DHX9: variants seen among roughly 807,000 people sequenced by gnomAD.
DHX9 encodes ATP-dependent RNA helicase A.
Under a neutral mutation model 148.7 loss-of-function variants are expected in DHX9, and 27 were observed. The ratio of observed to expected loss-of-function variants is 0.18; its 90% CI spans 0.13 to 0.25. The LOEUF (loss-of-function observed/expected upper bound fraction) is 0.25, where lower values mean the gene tolerates loss of function less well. Among genes scored for constraint, DHX9 ranks in the 10% least tolerant of loss-of-function variants. The probability of loss-of-function intolerance (pLI) is 1.00; values close to 1 mark genes in which losing one functional copy is unlikely to be tolerated. For synonymous variants in DHX9, 529 were observed against 516.6 expected (o/e 1.02, Z -0.33); for missense variants, 796 against 1,559.6 (o/e 0.51, Z 8.25).
At chr1:182,850,362 A>C (rs1178439833) in intron 3 of DHX9, among the ~76,000 whole-genome samples, 1 of 152,120 alleles carries the variant, frequency 6.6e-6, no homozygotes, top group African/African-American at 2.4e-5. Context: ...CGGGAGATAG[A>C]GGCAGGAGGA....
In DHX9 at chr1:182,852,301, A is replaced by C. The variant is rs755683865; in HGVS notation, c.321A>C (p.Thr107=). The C allele has an allele frequency of 2.5e-6, 4 of 1,613,174 alleles. No individual in the cohort carries two copies. The highest frequency in any genetic ancestry group is 1.7e-5 in the Admixed American group (1 of 59,748). Residue 107 remains threonine (T), a synonymous_variant, in exon 4 of 28, where the codon ACA becomes ACC. Coordinates refer to ENST00000367549, the MANE Select transcript of DHX9 (RefSeq NM_001357.5). ...CAAATGCTGAAGGAGATTTACCAACAACCATGGGAGGACCTCTTCCTCCAC... is the reference window on the plus strand; with the variant it reads ...CAAATGCTGAAGGAGATTTACCAACCACCATGGGAGGACCTCTTCCTCCAC... The part of the protein sequence containing the change: ...TTANAEGDLP[T]TMGGPLPPHL...
At position 182,842,556 on chromosome 1, in the gene DHX9, A is replaced by G; in HGVS notation, c.-11A>G. 6.2e-7 allele frequency: 1 copy of G among 1,601,162 alleles called. No homozygotes were observed. The highest frequency in any genetic ancestry group is 8.5e-7 in the Non-Finnish European group (1 of 1,170,446). On this transcript the variant is annotated 5_prime_UTR_variant, in exon 2 of 28. Coordinates refer to ENST00000367549, the MANE Select transcript of DHX9 (RefSeq NM_001357.5). Reference sequence around the variant, plus strand: ...TTTTGTTTTCTTAGATCTGAAGAAGACACTTGAATCATGGGTGACGTTAAA... The same window carrying G: ...TTTTGTTTTCTTAGATCTGAAGAAGGCACTTGAATCATGGGTGACGTTAAA...
At position 182,853,322 on chromosome 1, in the gene DHX9, A is replaced by G; in HGVS notation, c.381A>G (p.Val127=). 2 of 1,612,860 alleles carry G rather than the reference A, an allele frequency of 1.2e-6. No homozygotes were observed. The highest frequency in any genetic ancestry group is 2.2e-5 in the South Asian group (2 of 90,944). Residue 127 remains valine, a synonymous_variant, in exon 5 of 28, where the codon GTA becomes GTG. Coordinates refer to ENST00000367549, the MANE Select transcript of DHX9 (RefSeq NM_001357.5). The part of the protein sequence containing the change: ...LALKAENNSE[V]GASGYGVPGP... ...TTTTAACAGAAAATAATTCTGAGGT[A>G]GGGGCCTCTGGCTATGGTGTTCCTG...
intron 26 of DHX9, among the ~76,000 whole-genome samples, chr1:182,884,120 A>G (rs1312035746): frequency 2.6e-5 from 4 of 152,138 alleles, no homozygotes; most frequent in Middle Eastern, 3.2e-3. Context: ...AAAAATCCAA[A>G]AAAATTAGCC....
In DHX9 at chr1:182,876,488, C is replaced by A; in HGVS notation, c.2071C>A (p.Pro691Thr). Residue 691 changes from proline to threonine, a missense_variant, in exon 18 of 28, where the codon CCT becomes ACT. Pro to Thr is a conservative substitution (Grantham distance 38). Around this residue, in one of 14 missense-constraint regions of DHX9, gnomAD observed 133 missense variants for 223.8 expected, o/e 0.59. Coordinates refer to ENST00000367549, the MANE Select transcript of DHX9 (RefSeq NM_001357.5). The part of the protein sequence containing the change: ...YQILPLHSQI[P>T]REEQRKVFDP... The stretch of plus-strand genomic sequence containing the variant: ...GATTCTACCCCTGCATTCTCAGATT[C>A]CTCGAGAGGAACAGCGCAAAGTGTT... The A allele has an allele frequency of 6.2e-7, 1 of 1,613,240 alleles. No homozygotes were observed. The highest frequency in any genetic ancestry group is 1.1e-5 in the South Asian group (1 of 91,040).
intron 12 of DHX9, among the ~76,000 whole-genome samples, chr1:182,861,604 G>A (rs1668365244): frequency 6.6e-6 from 1 of 152,188 alleles, no homozygotes; most frequent in Non-Finnish European, 1.5e-5. Context: ...TAACAAGCGA[G>A]CTGTGAAGAC....
intron 15 of DHX9, among the ~76,000 whole-genome samples, chr1:182,872,818 T>C (rs899750071): frequency 1.3e-5 from 2 of 152,206 alleles, no homozygotes; most frequent in African/African-American, 4.8e-5. Context: ...TAGGTAATTA[T>C]GGGAATTACT....
chr1:182,870,669 C>T (rs1175919186), intron 14 of DHX9, among the ~76,000 whole-genome samples: 1 of 152,094 alleles, frequency 6.6e-6, no homozygotes, highest in Non-Finnish European at 1.5e-5. Context: ...GAACTTTAAA[C>T]GTGTTGACAC....
chr1:182,848,622 T>C (rs918958305), intron 3 of DHX9, among the ~76,000 whole-genome samples: 4 of 152,182 alleles, frequency 2.6e-5, no homozygotes, highest in African/African-American at 9.7e-5. Flanking sequence ...AAAAAAAAAT[T>C]ATAACAACCC....
chr1:182,880,698 A>G (rs1470697408), intron 22 of DHX9, 90 bp downstream of exon 22: 1 of 804,032 alleles, frequency 1.2e-6, no homozygotes, highest in Non-Finnish European at 2.0e-6. Flanking sequence ...GCTCAGATAG[A>G]CAAAAAAAAA....
At chr1:182,867,159 TC>T in intron 14 of DHX9, 116 bp downstream of exon 14, 2 of 613,922 alleles carry the variant, frequency 3.3e-6, no homozygotes, top group Non-Finnish European at 5.5e-6. Flanking sequence ...ACCATGAACT[TC>T]AGTCACTAAG....
intron 20 of DHX9, 32 bp downstream of exon 20, chr1:182,878,205 T>G (rs367960063): frequency 1.2e-6 from 2 of 1,612,292 alleles, no homozygotes; most frequent in South Asian, 2.2e-5. Context: ...TAGTAAGGGA[T>G]TTTTGTTCTG....
Position 182,853,320 on chromosome 1 carries a change from G to A in DHX9, c.379G>A (p.Val127Ile). Residue 127 changes from valine (V) to isoleucine (I), a missense_variant, in exon 5 of 28, where the codon GTA (valine) becomes ATA (isoleucine). By Grantham distance (29) the Val-to-Ile change is conservative. Transcript: ENST00000367549. ...LALKAENNSE[V>I]GASGYGVPGP... Reference sequence around the variant, plus strand: ...TCTTTTAACAGAAAATAATTCTGAGGTAGGGGCCTCTGGCTATGGTGTTCC... The same window carrying A: ...TCTTTTAACAGAAAATAATTCTGAGATAGGGGCCTCTGGCTATGGTGTTCC... 1 of 1,612,776 alleles carries A rather than the reference G, an allele frequency of 6.2e-7. No individual in the cohort carries two copies.
At chr1:182,873,599 AAG>A (rs1414278779) in intron 15 of DHX9, among the ~76,000 whole-genome samples, 6 of 152,168 alleles carry the variant, frequency 3.9e-5, no homozygotes, top group African/African-American at 1.4e-4. Flanking sequence ...ATTATACTCA[AAG>A]AGATCAGTAC....
chr1:182,880,680 C>A, intron 22 of DHX9, 72 bp downstream of exon 22: 2 of 1,037,442 alleles, frequency 1.9e-6, no homozygotes, highest in Non-Finnish European at 3.0e-6. Flanking sequence ...CCTGTAAAAG[C>A]AGTATTGGCT....
intron 15 of DHX9, 91 bp from the exon 16 acceptor site, chr1:182,874,763 G>T: frequency 1.0e-6 from 1 of 980,866 alleles, no homozygotes; most frequent in Non-Finnish European, 1.6e-6. Flanking sequence ...GGGTATTAAA[G>T]TAGTTTTGAA....
At chr1:182,885,405 C>A (rs1211395324) in intron 27 of DHX9, among the ~76,000 whole-genome samples, 1 of 152,146 alleles carries the variant, frequency 6.6e-6, no homozygotes, top group Non-Finnish European at 1.5e-5. Context: ...TTTAGGTTCA[C>A]TAATTTTCAG....
intron 3 of DHX9, among the ~76,000 whole-genome samples, chr1:182,847,292 TTC>T (rs1668049631): frequency 1.3e-5 from 2 of 152,238 alleles, no homozygotes; most frequent in Non-Finnish European, 2.9e-5. Flanking sequence ...TTTTATTGCA[TTC>T]TGGGCATTGG....
chr1:182,864,806 CCT>C (rs1448508262), intron 12 of DHX9, among the ~76,000 whole-genome samples: 12 of 152,298 alleles, frequency 7.9e-5, no homozygotes, highest in African/African-American at 2.6e-4. Flanking sequence ...GTATTTAAAA[CCT>C]CTATCATGTC....
Sources: allele counts gnomAD v4.1 joint callset (sites outside exome capture counted in the v4.1 genomes callset), GRCh38; gene constraint gnomAD v4.1.1; regional missense constraint gnomAD v4.1.1; transcripts MANE v1.5; gene names NCBI Gene and HGNC (gene_info 2026-07-23, HGNC 2026-07-21).